The following GATAD2B variants were observed in gnomAD, a reference collection of about 807,000 sequenced individuals.
The protein encoded by GATAD2B is transcriptional repressor p66-beta.
Under a neutral mutation model 64.3 loss-of-function variants are expected in GATAD2B, and 8 were observed. The observed-to-expected ratio is 0.12, with a 90% CI of 0.07 to 0.22. The LOEUF (loss-of-function observed/expected upper bound fraction) is 0.22, where lower values mean the gene tolerates loss of function less well. GATAD2B is among the 10% of genes least tolerant of loss of function. GATAD2B has a pLI of 1.00. For missense variants in GATAD2B, 453 were observed against 752.0 expected (o/e 0.60, Z 4.65); for synonymous variants, 281 against 271.3 (o/e 1.04, Z -0.35).
chr1:153,823,307 G>C (rs2101886834), intron 2 of GATAD2B, among the ~76,000 whole-genome samples: 1 of 152,258 alleles, frequency 6.6e-6, no homozygotes, highest in East Asian at 1.9e-4. Flanking sequence ...AAGCTATAAA[G>C]CTCCTAATCC....
At chr1:153,915,219 G>A (rs9427246) in intron 1 of GATAD2B, among the ~76,000 whole-genome samples, 24,983 of 152,086 alleles carry the variant, frequency 0.16, 2,481 homozygotes, top group East Asian at 0.49. Flanking sequence ...AAGGTCAAGA[G>A]ATCAAGACCA....
intron 1 of GATAD2B, among the ~76,000 whole-genome samples, chr1:153,837,377 C>CA (rs113888342): frequency 0.58 from 84,339 of 145,496 alleles, 26,131 homozygotes; most frequent in Middle Eastern, 0.72. Flanking sequence ...ACAAAACAAA[C>CA]AAAAAAAAAA....
chr1:153,913,090 A>G (rs1678155067), intron 1 of GATAD2B, among the ~76,000 whole-genome samples: 1 of 151,830 alleles, frequency 6.6e-6, no homozygotes, highest in South Asian at 2.1e-4. Flanking sequence ...CTCCGTCTCT[A>G]AAAAAAATTG....
chr1:153,879,096 C>T (rs1031033349), intron 1 of GATAD2B, among the ~76,000 whole-genome samples: 1 of 152,116 alleles, frequency 6.6e-6, no homozygotes, highest in Non-Finnish European at 1.5e-5. Context: ...CAAGCCACCA[C>T]GCCCGGCTAA....
chr1:153,846,527 C>T (rs937286246), intron 1 of GATAD2B, among the ~76,000 whole-genome samples: 1 of 151,040 alleles, frequency 6.6e-6, no homozygotes, highest in African/African-American at 2.4e-5. Flanking sequence ...CATTAGCCAC[C>T]GTGTCCAACC....
intron 8 of GATAD2B, among the ~76,000 whole-genome samples, chr1:153,812,547 A>G (rs766339617): frequency 2.0e-4 from 31 of 152,156 alleles, no homozygotes; most frequent in Non-Finnish European, 2.9e-5. Context: ...GAACCAACTG[A>G]TATAATTAAG....
At position 153,816,320 on chromosome 1, in the gene GATAD2B, T is replaced by C; in HGVS notation, c.1169A>G (p.Tyr390Cys). Residue 390 changes from tyrosine to cysteine, a missense_variant, in exon 7 of 11, where the codon TAC becomes TGC. Tyr to Cys is a radical substitution (Grantham distance 194, BLOSUM62 -2). This residue lies in a region of GATAD2B where 160 missense variants were observed against 334.7 expected (regional missense o/e 0.48). Transcript: ENST00000368655. This position sits in a 1 kb window ranked among gnomAD's most constrained non-coding sequence, Gnocchi z 4.9. The stretch of plus-strand genomic sequence containing the variant: ...TACGACTTCTTCCAAGCCTACCATG[T>C]AGATGAACTCGCTATTGGCTGCACT... Reference protein sequence around the residue: ...LPSAANSEFIYMVGLEEVVQS... With the variant: ...LPSAANSEFICMVGLEEVVQS... 6.2e-7 allele frequency: 1 copy of C among 1,613,980 alleles called. No individual in the cohort carries two copies. The highest frequency in any genetic ancestry group is 8.5e-7 in the Non-Finnish European group (1 of 1,179,814).
chr1:153,826,651 G>C (rs1382569605), intron 2 of GATAD2B, among the ~76,000 whole-genome samples: 1 of 150,642 alleles, frequency 6.6e-6, no homozygotes, highest in African/African-American at 2.4e-5. Context: ...ACACAACTTG[G>C]GTTATAAGCT....
intron 1 of GATAD2B, among the ~76,000 whole-genome samples, chr1:153,893,820 T>C (rs966150592): frequency 3.3e-5 from 5 of 149,742 alleles, no homozygotes; most frequent in Non-Finnish European, 7.4e-5. Context: ...TAGCCAGGCA[T>C]CGTGGCAGGT....
intron 1 of GATAD2B, among the ~76,000 whole-genome samples, chr1:153,874,572 GT>G (rs926909611): frequency 6.6e-6 from 1 of 151,594 alleles, no homozygotes; most frequent in African/African-American, 2.4e-5. Flanking sequence ...TATTTTTGGG[GT>G]TTTTTTGTTG....
chr1:153,872,409 T>C (rs1676700925), intron 1 of GATAD2B, among the ~76,000 whole-genome samples: 2 of 152,084 alleles, frequency 1.3e-5, no homozygotes, highest in South Asian at 4.1e-4. Context: ...TTTGTATTAT[T>C]ACATTAAAAT....
chr1:153,897,831 A>G (rs566032308), intron 1 of GATAD2B, among the ~76,000 whole-genome samples: 3 of 152,134 alleles, frequency 2.0e-5, no homozygotes, highest in Admixed American at 1.3e-4. Context: ...CAGTAACTAT[A>G]TATGTTTCTA....
At chr1:153,912,919 C>G (rs1304910031) in intron 1 of GATAD2B, among the ~76,000 whole-genome samples, 1 of 151,770 alleles carries the variant, frequency 6.6e-6, no homozygotes, top group African/African-American at 2.4e-5. Context: ...ATGGTGAAAC[C>G]CTGTCTCTAC....
chr1:153,903,604 G>A (rs755302432), intron 1 of GATAD2B, among the ~76,000 whole-genome samples: 1 of 152,150 alleles, frequency 6.6e-6, no homozygotes, highest in African/African-American at 2.4e-5. Context: ...GTAAGCAACA[G>A]GAAAAGTACA....
intron 1 of GATAD2B, among the ~76,000 whole-genome samples, chr1:153,840,918 G>A (rs567558482): frequency 1.3e-5 from 2 of 152,072 alleles, no homozygotes; most frequent in East Asian, 1.9e-4. Flanking sequence ...GTGGTCAGGC[G>A]ATCAAGACCA....
intron 1 of GATAD2B, among the ~76,000 whole-genome samples, chr1:153,914,382 A>C (rs1449043014): frequency 6.6e-6 from 1 of 152,178 alleles, no homozygotes; most frequent in Non-Finnish European, 1.5e-5. Context: ...CGAAATAGAT[A>C]AAGCAGTTAC....
chr1:153,870,636 CAAATGCA>C (rs1268209893), intron 1 of GATAD2B, among the ~76,000 whole-genome samples: 7 of 152,092 alleles, frequency 4.6e-5, no homozygotes, highest in Non-Finnish European at 7.4e-5. Context: ...AAAATGCTGT[CAAATGCA>C]GTCAAAACTT....
intron 1 of GATAD2B, among the ~76,000 whole-genome samples, chr1:153,914,425 C>T (rs1678204898): frequency 6.6e-6 from 1 of 152,126 alleles, no homozygotes; most frequent in Admixed American, 6.6e-5. Flanking sequence ...GAAACTAAGG[C>T]TCAGAGACTT....
chr1:153,885,753 C>T (rs550614224), intron 1 of GATAD2B, among the ~76,000 whole-genome samples: 1 of 151,570 alleles, frequency 6.6e-6, no homozygotes, highest in Admixed American at 6.6e-5. Context: ...GTCCCAGCTA[C>T]TCAGGAGGCT....
Sources: allele counts gnomAD v4.1 joint callset (sites outside exome capture counted in the v4.1 genomes callset), GRCh38; gene constraint gnomAD v4.1.1; regional missense constraint gnomAD v4.1.1; non-coding constraint Gnocchi (gnomAD v3.1); transcripts MANE v1.5; gene names NCBI Gene and HGNC (gene_info 2026-07-23, HGNC 2026-07-21).